The following TNKS2 variants were observed in gnomAD, a reference collection of about 807,000 sequenced individuals.
The protein encoded by TNKS2 is poly [ADP-ribose] polymerase tankyrase-2.
A neutral mutation model predicts 137.6 loss-of-function variants in TNKS2; 72 were observed. The observed-to-expected ratio is 0.52, with a 90% CI of 0.43 to 0.64. TNKS2 has a LOEUF of 0.64. Ranked by LOEUF, TNKS2 falls within the 30% of genes least tolerant of loss-of-function variation. The probability of loss-of-function intolerance (pLI) is 0.00; values close to 1 mark genes in which losing one functional copy is unlikely to be tolerated. For missense variants in TNKS2, 1,049 were observed against 1,410.2 expected (o/e 0.74, Z 4.10); for synonymous variants, 516 against 512.1 (o/e 1.01, Z -0.10).
chr10:91,813,972 C>T (rs895107329), intron 2 of TNKS2, among the ~76,000 whole-genome samples: 1 of 151,966 alleles, frequency 6.6e-6, no homozygotes, highest in African/African-American at 2.4e-5. Context: ...TAATAACCAA[C>T]TTTGTTACTG....
chr10:91,807,095 A>G, intron 1 of TNKS2: 4 of 1,454,308 alleles, frequency 2.8e-6, no homozygotes, highest in Non-Finnish European at 3.8e-6. Flanking sequence ...TTAGTTACAT[A>G]AAGTACTTTC....
intron 13 of TNKS2, among the ~76,000 whole-genome samples, chr10:91,839,644 C>T (rs924644745): frequency 2.7e-4 from 41 of 152,170 alleles, no homozygotes; most frequent in South Asian, 2.1e-4. Flanking sequence ...GGTATGGTTA[C>T]TGAACCACCA....
chr10:91,817,146 A>G lies in TNKS2; in HGVS notation c.437A>G (p.His146Arg), dbSNP rs770041853. Residue 146 changes from histidine (H) to arginine (R), a missense_variant, in exon 3 of 27, where the codon CAT (histidine) becomes CGT (arginine). This residue lies in a region of TNKS2 where 374 missense variants were observed against 460.8 expected (regional missense o/e 0.81). Transcript: ENST00000371627. The part of the protein sequence containing the change: ...KIDVCIVLLQ[H>R]GAEPTIRNTD... ...TGCTATTTTGCAGTGCTGTTACAGC[A>G]TGGAGCTGAGCCAACCATCCGAAAT... 2 of 1,613,424 alleles carry G rather than the reference A, an allele frequency of 1.2e-6. No individual in the cohort carries two copies. The highest frequency in any genetic ancestry group is 4.5e-5 in the East Asian group (2 of 44,860).
At chr10:91,848,897 C>T (rs112258967) in intron 19 of TNKS2, among the ~76,000 whole-genome samples, 3 of 152,214 alleles carry the variant, frequency 2.0e-5, no homozygotes, top group African/African-American at 7.2e-5. Flanking sequence ...AGTGCAGTGG[C>T]GCGATCTCGG....
intron 3 of TNKS2, among the ~76,000 whole-genome samples, chr10:91,818,253 A>T (rs1376055172): frequency 1.3e-5 from 2 of 152,214 alleles, no homozygotes; most frequent in African/African-American, 4.8e-5. Context: ...ATATTAATTT[A>T]AATTTTGTTG....
intron 2 of TNKS2, among the ~76,000 whole-genome samples, chr10:91,815,104 A>G (rs1844641099): frequency 6.8e-6 from 1 of 147,642 alleles, no homozygotes; most frequent in African/African-American, 2.5e-5. Context: ...GACAGATTCA[A>G]GGATTTTGGA....
At chr10:91,807,752 C>T (rs946701729) in intron 1 of TNKS2, among the ~76,000 whole-genome samples, 1 of 152,008 alleles carries the variant, frequency 6.6e-6, no homozygotes, top group Non-Finnish European at 1.5e-5. Flanking sequence ...CCCAGCACTT[C>T]GGGAGGCCGA....
chr10:91,845,296 G>T (rs759822816), intron 17 of TNKS2, among the ~76,000 whole-genome samples: 1 of 152,048 alleles, frequency 6.6e-6, no homozygotes, highest in African/African-American at 2.4e-5. Context: ...TTATTTGTTG[G>T]TACCCAGAAA....
At chr10:91,816,032 T>G (rs1195184856) in intron 2 of TNKS2, among the ~76,000 whole-genome samples, 1 of 144,080 alleles carries the variant, frequency 6.9e-6, no homozygotes. Context: ...CACTGCAAGC[T>G]CCGCCTCCCG....
intron 9 of TNKS2, 69 bp downstream of exon 9, chr10:91,828,475 A>G (rs949224968): frequency 1.5e-6 from 2 of 1,335,388 alleles, no homozygotes; most frequent in Non-Finnish European, 2.0e-6. Context: ...ATAATATCCT[A>G]CTTTTAGAAC....
chr10:91,806,172 A>G (rs914759831), intron 1 of TNKS2, among the ~76,000 whole-genome samples: 2 of 152,132 alleles, frequency 1.3e-5, no homozygotes, highest in Non-Finnish European at 2.9e-5. Context: ...AATTTATACA[A>G]AACATATTTC....
At chr10:91,861,208 T>C (rs932170577) in intron 25 of TNKS2, among the ~76,000 whole-genome samples, 8 of 152,154 alleles carry the variant, frequency 5.3e-5, no homozygotes, top group African/African-American at 1.9e-4. Context: ...TATCAGCCAG[T>C]GGAAGAGTGG....
At chr10:91,833,711 G>T in intron 11 of TNKS2, 142 bp from the exon 12 acceptor site, 1 of 621,238 alleles carries the variant, frequency 1.6e-6, no homozygotes, top group Non-Finnish European at 2.5e-6. Context: ...CTAGATTTGA[G>T]CAAAAATACT....
At chr10:91,799,993 C>T (rs1844109243) in intron 1 of TNKS2, among the ~76,000 whole-genome samples, 2 of 152,186 alleles carry the variant, frequency 1.3e-5, no homozygotes, top group African/African-American at 2.4e-5. Context: ...ATTACTTTTA[C>T]ACTTTCTACC....
rs543617540 is a variant in TNKS2, at chr10:91,819,258, T to A, written c.521-12T>A. On this transcript the variant is annotated splice_polypyrimidine_tract_variant and intron_variant, in intron 3 of 26. Transcript: ENST00000371627. ...TTTAATTTCTATACTTTTTTTTTTTTCTAATTCACAGGTGAATATAAGAAA... is the reference window on the plus strand; with the variant it reads ...TTTAATTTCTATACTTTTTTTTTTTACTAATTCACAGGTGAATATAAGAAA... The A allele has an allele frequency of 5.0e-6, 7 of 1,413,024 alleles. No homozygotes were observed. In the South Asian group the frequency reaches 7.5e-5, roughly 15 times the overall value. 87.5% of individuals were successfully genotyped at this position (1,413,024 alleles called of 1,614,324 possible). A position where few individuals can be genotyped will look rare whatever the true frequency, so the allele number is the denominator to read the frequency against.
chr10:91,855,580 A>C, intron 22 of TNKS2, 34 bp from the exon 23 acceptor site: 1 of 1,502,810 alleles, frequency 6.7e-7, no homozygotes. Context: ...CACAAATGCT[A>C]ATGCACATAT....
intron 1 of TNKS2, among the ~76,000 whole-genome samples, chr10:91,804,325 G>A (rs1186671874): frequency 6.6e-6 from 1 of 152,162 alleles, no homozygotes; most frequent in East Asian, 1.9e-4. Context: ...ACTGACACAT[G>A]GTTAATGTGG....
At chr10:91,824,495 G>A (rs897993328) in intron 7 of TNKS2, among the ~76,000 whole-genome samples, 2 of 152,176 alleles carry the variant, frequency 1.3e-5, no homozygotes, top group Non-Finnish European at 2.9e-5. Context: ...GGCTAGAATG[G>A]AGGGAAAAAT....
chr10:91,848,776 C>T (rs775956881), intron 19 of TNKS2, 141 bp downstream of exon 19: 3 of 891,870 alleles, frequency 3.4e-6, no homozygotes, highest in South Asian at 3.5e-5. Flanking sequence ...AAGGTTTAAC[C>T]TTGTATTACT....
Sources: allele counts gnomAD v4.1 joint callset (sites outside exome capture counted in the v4.1 genomes callset), GRCh38; gene constraint gnomAD v4.1.1; regional missense constraint gnomAD v4.1.1; transcripts MANE v1.5; gene names NCBI Gene and HGNC (gene_info 2026-07-23, HGNC 2026-07-21).